Variants in ZNF880 observed in about 807,000 individuals in gnomAD.
ZNF880 encodes zinc finger protein 880.
In ZNF880, 12 loss-of-function variants were observed where a neutral mutation model predicts 11.8. That is an observed-to-expected ratio of 1.02 (90% CI 0.65 to 1.65). ZNF880 has a LOEUF of 1.65. ZNF880 is among the 40% of genes most tolerant of loss of function. The pLI is 0.00. For missense variants in ZNF880, 601 were observed against 673.9 expected (o/e 0.89, Z 1.20); for synonymous variants, 210 against 232.4 (o/e 0.90, Z 0.88).
At chr19:52,386,173 A>AAT (rs1986882235), downstream of ZNF880, among the ~76,000 whole-genome samples, 1 of 136,864 alleles carries the variant, frequency 7.3e-6, no homozygotes, top group Admixed American at 7.2e-5. Context: ...CTCTGTCTCA[A>AAT]AAAAAAAAAA....
At chr19:52,380,737 TAC>T (rs1233665596) in intron 3 of ZNF880, among the ~76,000 whole-genome samples, 1 of 152,184 alleles carries the variant, frequency 6.6e-6, no homozygotes, top group Non-Finnish European at 1.5e-5. Context: ...AGTGCAGTGG[TAC>T]AGTTATAGCT....
intron 1 of ZNF880, among the ~76,000 whole-genome samples, chr19:52,371,931 T>C (rs1274217739): frequency 1.3e-5 from 2 of 152,048 alleles, no homozygotes; most frequent in Admixed American, 6.5e-5. Flanking sequence ...AGCTTACGCC[T>C]GTAATCCCAG....
At chr19:52,375,303 C>T (rs970945061) in intron 3 of ZNF880, among the ~76,000 whole-genome samples, 4 of 151,880 alleles carry the variant, frequency 2.6e-5, no homozygotes, top group African/African-American at 4.8e-5. Context: ...TCTCATGCTT[C>T]AGGCTCCCAA....
At chr19:52,374,485 G>A (rs774722517) in intron 3 of ZNF880, 58 bp downstream of exon 3, 8 of 1,546,822 alleles carry the variant, frequency 5.2e-6, no homozygotes, top group Non-Finnish European at 7.0e-6. Context: ...TTTAAACAGG[G>A]TCTTGCTCTG....
chr19:52,373,641 A>G (rs1210123623), intron 2 of ZNF880, among the ~76,000 whole-genome samples: 5 of 148,964 alleles, frequency 3.4e-5, no homozygotes, highest in African/African-American at 1.2e-4. Flanking sequence ...AGAAGGAGGC[A>G]GTGGATGAAT....
chr19:52,378,414 G>A (rs1279819545), intron 3 of ZNF880, among the ~76,000 whole-genome samples: 1 of 151,976 alleles, frequency 6.6e-6, no homozygotes, highest in East Asian at 1.9e-4. Flanking sequence ...GGAGGCTAGG[G>A]CAGGCGGATC....
chr19:52,391,817 C>A, the ZNF880 span, among the ~76,000 whole-genome samples: 1 of 152,238 alleles, frequency 6.6e-6, no homozygotes, highest in Admixed American at 6.5e-5. Context: ...TCACTATCTT[C>A]ACTTCTGGGA....
rs778661300 is a variant in ZNF880, at chr19:52,385,164, C to G, written c.1584C>G (p.Val528=). 35 of 1,554,862 alleles carry G rather than the reference C, an allele frequency of 2.3e-5. No individual in the cohort carries two copies. In the Admixed American group the frequency reaches 6.8e-4, roughly 30 times the overall value. ...ACAAATGCAATGAATGTGGCAAGGT[C>G]TTCAGCCACAAGTTATACCTAAAAA... ...KSYKCNECGK[V]FSHKLYLKKH... The change falls in exon 4 of 4, where the codon GTC becomes GTG. Residue 528 remains valine (V), a synonymous_variant. Coordinates refer to ENST00000422689, the MANE Select transcript of ZNF880 (RefSeq NM_001145434.2).
intron 3 of ZNF880, among the ~76,000 whole-genome samples, chr19:52,382,341 A>G (rs10422045): frequency 0.13 from 20,107 of 152,158 alleles, 1,513 homozygotes; most frequent in African/African-American, 0.2. Context: ...AAATATCTCT[A>G]TATTTGATTA....
Position 52,369,965 on chromosome 19 carries a change from C to T in ZNF880, c.-1C>T, listed in dbSNP as rs140336647. 4.8e-3 allele frequency: 7,422 copies of T among 1,551,636 alleles called. 496 individuals are homozygous for T. The Admixed American group carries it at 0.12, about 25-fold the overall frequency. ...GAAGCAGATTACGTGGAGTGACGGT[C>T]ATGCTGCGGCGTGTGAGTTTCCCTT... On this transcript the variant is annotated 5_prime_UTR_variant, in exon 1 of 4. Coordinates refer to ENST00000422689, the MANE Select transcript of ZNF880 (RefSeq NM_001145434.2).
chr19:52,377,026 G>T (rs1397620163), intron 3 of ZNF880, among the ~76,000 whole-genome samples: 1 of 152,144 alleles, frequency 6.6e-6, no homozygotes, highest in African/African-American at 2.4e-5. Context: ...TGGCTTATGA[G>T]AATTCTTTGA....
At chr19:52,369,117 T>C (rs996987363), upstream of ZNF880, among the ~76,000 whole-genome samples, 1 of 148,420 alleles carries the variant, frequency 6.7e-6, no homozygotes, top group Non-Finnish European at 1.5e-5. Flanking sequence ...AATCCCAACA[T>C]TTTGGGAGGC....
At chr19:52,388,282 C>CTT (rs68179783), downstream of ZNF880, among the ~76,000 whole-genome samples, 10 of 63,410 alleles carry the variant, frequency 1.6e-4, no homozygotes, top group East Asian at 1.1e-3. Context: ...GCAATTTGAA[C>CTT]TTTTTTTTTT....
chr19:52,376,509 C>CTTTTTTTTTTTTTTTTTT (rs869288387), intron 3 of ZNF880, among the ~76,000 whole-genome samples: 5 of 58,322 alleles, frequency 8.6e-5, no homozygotes, highest in Non-Finnish European at 1.2e-4. Context: ...CCCCCCCCCC[C>CTTTTTTTTTTTTTTTTTT]TTTTTTTTTT....
chr19:52,386,102 G>T (rs1201849242), downstream of ZNF880, among the ~76,000 whole-genome samples: 4 of 139,170 alleles, frequency 2.9e-5, no homozygotes, highest in Non-Finnish European at 6.2e-5. Flanking sequence ...GTGAACCTGG[G>T]AGGTGGAGCT....
intron 3 of ZNF880, among the ~76,000 whole-genome samples, chr19:52,376,224 C>T (rs1374631277): frequency 6.6e-6 from 1 of 152,076 alleles, no homozygotes; most frequent in Admixed American, 6.6e-5. Context: ...ACTTTTAGTC[C>T]TTTAAGGAAT....
At chr19:52,371,674 C>T (rs747935551) in intron 1 of ZNF880, among the ~76,000 whole-genome samples, 2 of 152,060 alleles carry the variant, frequency 1.3e-5, no homozygotes, top group African/African-American at 2.4e-5. Flanking sequence ...CCACGCCTGG[C>T]CTAATTCTTA....
rs375204197 is a variant in ZNF880 at position 52,374,423 on chromosome 19, C to T, written c.264C>T (p.Asn88=). 3.0e-4 allele frequency: 478 copies of T among 1,610,690 alleles called. 1 individual carries two copies. In the African/African-American group the frequency reaches 3.1e-3, roughly 10 times the overall value. The stretch of plus-strand genomic sequence containing the variant: ...GCAGGGAGTGCATCAAAGGTGTGAA[C>T]GCAGGTAAGAGCTTGGATGGCCAGA... The part of the protein sequence containing the change: ...PGGRECIKGV[N]AESSSKLGSN... The change falls in exon 3 of 4, where the codon AAC becomes AAT. Residue 88 remains asparagine, a synonymous_variant. Coordinates refer to ENST00000422689, the MANE Select transcript of ZNF880 (RefSeq NM_001145434.2).
chr19:52,397,441 TCCCTTCCCTTCCC>T, the ZNF880 span: 1 of 151,908 alleles, frequency 6.6e-6, no homozygotes, highest in Non-Finnish European at 1.5e-5. Flanking sequence ...CTTCCCTTCC[TCCCTTCCCTTCCC>T]TCCTTACTTT....
Sources: gnomAD v4.1 joint callset for allele counts (sites outside exome capture counted in the v4.1 genomes callset) on GRCh38, gnomAD v4.1.1 for gene constraint, MANE v1.5 for transcripts, NCBI Gene and HGNC (gene_info 2026-07-23, HGNC 2026-07-21) for gene names.